Variants in TTC28 observed in about 807,000 individuals in gnomAD.
TTC28 encodes tetratricopeptide repeat protein 28.
In TTC28, 61 loss-of-function variants were observed where a neutral mutation model predicts 198.0. That is an observed-to-expected ratio of 0.31 (90% CI 0.25 to 0.38). The LOEUF (loss-of-function observed/expected upper bound fraction) is 0.38, where lower values mean the gene tolerates loss of function less well. Ranked by LOEUF, TTC28 falls within the 10% of genes least tolerant of loss-of-function variation. The pLI is 1.00. For synonymous variants in TTC28, 1,171 were observed against 1,297.8 expected (o/e 0.90, Z 2.10); for missense variants, 2,678 against 3,164.0 (o/e 0.85, Z 3.69).
intron 2 of TTC28, among the ~76,000 whole-genome samples, chr22:28,519,329 T>C (rs9608689): frequency 6.6e-6 from 1 of 152,050 alleles, no homozygotes; most frequent in Non-Finnish European, 1.5e-5. Flanking sequence ...AACTGGAGGA[T>C]GAAGAAAAAC....
intron 2 of TTC28, among the ~76,000 whole-genome samples, chr22:28,535,968 T>C (rs1028722859): frequency 1.3e-5 from 2 of 151,806 alleles, no homozygotes; most frequent in African/African-American, 4.8e-5. Context: ...CCCAGCACTT[T>C]GGGAGGCCGA....
At chr22:28,601,484 A>C (rs1173991346) in intron 2 of TTC28, among the ~76,000 whole-genome samples, 1 of 152,218 alleles carries the variant, frequency 6.6e-6, no homozygotes, top group East Asian at 1.9e-4. Flanking sequence ...GATACAGTAT[A>C]ACAACTATTT....
intron 6 of TTC28, among the ~76,000 whole-genome samples, chr22:28,116,504 G>C (rs1203155575): frequency 6.6e-6 from 1 of 152,144 alleles, no homozygotes; most frequent in Non-Finnish European, 1.5e-5. Context: ...GCCCAGAGCA[G>C]AGTGAAAAAT....
chr22:28,096,651 G>A (rs1032110710), intron 10 of TTC28, among the ~76,000 whole-genome samples: 10 of 151,966 alleles, frequency 6.6e-5, no homozygotes, highest in South Asian at 4.1e-4. Context: ...TGCAGCCAGC[G>A]CCACAAAAGA....
At position 28,005,314 on chromosome 22, in the gene TTC28, G is replaced by A. The variant is rs1038075033; in HGVS notation, c.4219-3761C>T. The stretch of plus-strand genomic sequence containing the variant: ...GCACTGTGGGGCTGCCCTGGGGCAC[G>A]GTGATGACAGGGGTTCCGTGAAGGT... On this transcript the variant is annotated intron_variant, in intron 14 of 22. Coordinates refer to ENST00000397906, the MANE Select transcript of TTC28 (RefSeq NM_001145418.2). This position sits in a 1 kb window ranked among gnomAD's most constrained non-coding sequence, Gnocchi z 4.9. Among the ~76,000 whole-genome samples, 1 of 152,214 alleles carries A rather than the reference G, an allele frequency of 6.6e-6. No individual in the cohort carries two copies. Among genetic ancestry groups the A allele is most frequent in the South Asian group, 2.1e-4 (1 of 4,836 alleles).
chr22:28,272,158 A>G (rs1195064944), intron 5 of TTC28, among the ~76,000 whole-genome samples: 1 of 152,226 alleles, frequency 6.6e-6, no homozygotes, highest in African/African-American at 2.4e-5. Context: ...AGAGTCTTGA[A>G]TGTACATGTA....
intron 12 of TTC28, among the ~76,000 whole-genome samples, chr22:28,034,461 C>T (rs1939251252): frequency 6.6e-6 from 1 of 152,196 alleles, no homozygotes; most frequent in Admixed American, 6.5e-5. Context: ...TTTCTCCTTC[C>T]CTCGTGGCTC....
intron 5 of TTC28, among the ~76,000 whole-genome samples, chr22:28,207,587 C>A (rs1926535735): frequency 6.6e-6 from 1 of 152,064 alleles, no homozygotes; most frequent in East Asian, 1.9e-4. Flanking sequence ...TAATGGAGTA[C>A]CCAGAACATA....
At chr22:28,654,887 T>C (rs1042105521) in intron 1 of TTC28, among the ~76,000 whole-genome samples, 1 of 152,242 alleles carries the variant, frequency 6.6e-6, no homozygotes, top group African/African-American at 2.4e-5. Flanking sequence ...TCTAAAAATA[T>C]GATTCCTCAA....
At position 28,567,475 on chromosome 22, in the gene TTC28, CATACAT is replaced by C. The variant is rs1180908951; in HGVS notation, c.381+62071_381+62076del. ...CACACACACCACACGCATATACATA[CATACAT>C]ATATATATATATATATATATATATA... On this transcript the variant is annotated intron_variant, in intron 2 of 22. Transcript: ENST00000397906. Among the ~76,000 whole-genome samples the C allele has an allele frequency of 1.4e-3, 19 of 13,780 alleles. No individual in the cohort carries two copies. In the South Asian group the frequency reaches 0.034, roughly 24 times the overall value. The allele number at this position is 13,780 out of a possible 152,430, so 9.0% of individuals were successfully genotyped here. A position where few individuals can be genotyped will look rare whatever the true frequency, so the allele number is the denominator to read the frequency against.
chr22:28,186,422 G>A (rs1199835064), intron 5 of TTC28, among the ~76,000 whole-genome samples: 5 of 152,128 alleles, frequency 3.3e-5, no homozygotes, highest in African/African-American at 9.7e-5. Flanking sequence ...AGCTGCATCC[G>A]AATGCCTGTA....
rs368412673 is a variant in TTC28, at chr22:28,570,514, AAAG to A, written c.381+59035_381+59037del. On this transcript the variant is annotated intron_variant, in intron 2 of 22. Transcript: ENST00000397906. ...CTAAACACTGAATACACATGAACAC[AAAG>A]AAGGGAACAACAGACACTGGGGCCT... Among the ~76,000 whole-genome samples the A allele has an allele frequency of 3.0e-3, 459 of 152,318 alleles. 4 individuals are homozygous for A. Among genetic ancestry groups the A allele is most frequent in the African/African-American group, 0.011 (439 of 41,566 alleles).
At chr22:28,081,367 T>C (rs893289942) in intron 12 of TTC28, among the ~76,000 whole-genome samples, 2 of 151,986 alleles carry the variant, frequency 1.3e-5, no homozygotes, top group Non-Finnish European at 1.5e-5. Flanking sequence ...TATTTTGAAA[T>C]TAGGAAGTAT....
chr22:28,229,964 A>C (rs1387958858), intron 5 of TTC28, among the ~76,000 whole-genome samples: 1 of 152,194 alleles, frequency 6.6e-6, no homozygotes, highest in Non-Finnish European at 1.5e-5. Context: ...GTGGTAATAA[A>C]TAGAATGCAC....
intron 2 of TTC28, among the ~76,000 whole-genome samples, chr22:28,429,359 T>G (rs1380758354): frequency 6.6e-6 from 1 of 152,164 alleles, no homozygotes; most frequent in Non-Finnish European, 1.5e-5. Context: ...CACAGAAAAG[T>G]GTCTTCACAA....
chr22:28,575,438 A>C lies in TTC28; in HGVS notation c.381+54114T>G, dbSNP rs2050130487. 2.6e-5 allele frequency among the ~76,000 whole-genome samples: 4 copies of C among 152,130 alleles called. No individual in the cohort carries two copies. The South Asian group carries it at 8.3e-4, about 32-fold the overall frequency. ...TTGGTTACTATGGCTCTGTAGTATA[A>C]TTTGAAGTCCTCCAGTTTTGTTCTT... On this transcript the variant is annotated intron_variant, in intron 2 of 22. Transcript: ENST00000397906.
intron 2 of TTC28, among the ~76,000 whole-genome samples, chr22:28,488,577 A>G (rs1020915705): frequency 3.9e-5 from 6 of 152,214 alleles, no homozygotes; most frequent in African/African-American, 1.4e-4. Flanking sequence ...ATATTCTCAG[A>G]AATTTCTTTT....
chr22:28,233,912 T>G (rs75835641), intron 5 of TTC28, among the ~76,000 whole-genome samples: 2 of 147,298 alleles, frequency 1.4e-5, no homozygotes, highest in African/African-American at 5.2e-5. Flanking sequence ...CAAATTAGTT[T>G]TTTTTTTTTT....
At chr22:28,132,140 C>A (rs1294913907) in intron 6 of TTC28, among the ~76,000 whole-genome samples, 1 of 152,094 alleles carries the variant, frequency 6.6e-6, no homozygotes, top group Non-Finnish European at 1.5e-5. Flanking sequence ...TGAGAAGATA[C>A]AAGACAATGA....
Sources: allele counts gnomAD v4.1 joint callset (sites outside exome capture counted in the v4.1 genomes callset), GRCh38; gene constraint gnomAD v4.1.1; non-coding constraint Gnocchi (gnomAD v3.1); transcripts MANE v1.5; gene names NCBI Gene and HGNC (gene_info 2026-07-23, HGNC 2026-07-21).